Variants in TCF20 observed in about 807,000 individuals in gnomAD.
TCF20 encodes the protein transcription factor 20.
TCF20 carries 3 observed loss-of-function variants against 148.6 expected under a neutral mutation model. The ratio of observed to expected loss-of-function variants is 0.02; its 90% CI spans 0.01 to 0.05. The LOEUF is 0.05. TCF20 is among the 10% of genes least tolerant of loss of function. TCF20 has a pLI of 1.00. For synonymous variants in TCF20, 1,049 were observed against 909.5 expected (o/e 1.15, Z -2.76); for missense variants, 2,350 against 2,429.3 (o/e 0.97, Z 0.69).
intron 1 of TCF20, among the ~76,000 whole-genome samples, chr22:42,341,013 C>T (rs1165045136): frequency 4.6e-5 from 7 of 152,092 alleles, no homozygotes; most frequent in African/African-American, 9.7e-5. Flanking sequence ...CTGCGGGGCG[C>T]GCAGCTCTGC....
At chr22:42,237,405 C>CTTGCTAT (rs999419068) in intron 1 of TCF20, among the ~76,000 whole-genome samples, 3 of 152,158 alleles carry the variant, frequency 2.0e-5, no homozygotes, top group Admixed American at 1.3e-4. Flanking sequence ...TTCGAGTTCT[C>CTTGCTAT]TTGCTATTTC....
At chr22:42,300,012 C>T (rs1401354955) in intron 1 of TCF20, among the ~76,000 whole-genome samples, 1 of 152,004 alleles carries the variant, frequency 6.6e-6, no homozygotes, top group Non-Finnish European at 1.5e-5. Context: ...ACATCAAAGC[C>T]TTCCCCAGCC....
At position 42,338,273 on chromosome 22, in the gene TCF20, G is replaced by A. The variant is rs1446746985; in HGVS notation, c.-37+5206C>T. ...CAGAAGAGGGCCGGAGAAACTTTTC[G>A]TCTGAATGGAGGTCGGCTGCACAGA... On this transcript the variant is annotated intron_variant, in intron 1 of 1. Coordinates refer to the TCF20 transcript ENST00000515426. This position sits in a 1 kb window ranked among gnomAD's most constrained non-coding sequence, Gnocchi z 4.0. Among the ~76,000 whole-genome samples, 4 of 152,358 alleles carry A rather than the reference G, an allele frequency of 2.6e-5. No homozygotes were observed. Among genetic ancestry groups the A allele is most frequent in the Admixed American group, 6.5e-5 (1 of 15,304 alleles).
At chr22:42,312,711 A>G (rs745346033) in intron 1 of TCF20, among the ~76,000 whole-genome samples, 1 of 152,078 alleles carries the variant, frequency 6.6e-6, no homozygotes, top group African/African-American at 2.4e-5. Flanking sequence ...ATCCCTGCTG[A>G]GCCTCAGGCT....
intron 1 of TCF20, among the ~76,000 whole-genome samples, chr22:42,219,060 A>G (rs1302523716): frequency 1.3e-5 from 2 of 152,096 alleles, no homozygotes; most frequent in African/African-American, 4.8e-5. Context: ...AGCATATACC[A>G]ACGACAGAAA....
chr22:42,268,097 G>C (rs1374916465), intron 1 of TCF20, among the ~76,000 whole-genome samples: 1 of 152,188 alleles, frequency 6.6e-6, no homozygotes, highest in East Asian at 1.9e-4. Context: ...AGTGAGCTGA[G>C]ATCGTGCCAC....
In TCF20 at chr22:42,279,726, A is replaced by G. The variant is rs1353252189; in HGVS notation, c.-37+4101T>C. Among the ~76,000 whole-genome samples, 2 of 152,180 alleles carry G rather than the reference A, an allele frequency of 1.3e-5. No individual in the cohort carries two copies. Among genetic ancestry groups the G allele is most frequent in the African/African-American group, 4.8e-5 (2 of 41,452 alleles). On this transcript the variant is annotated intron_variant, in intron 1 of 5. Coordinates refer to the TCF20 transcript ENST00000359486. The surrounding 1 kb of genome is among the most constrained non-coding windows in gnomAD (Gnocchi z 4.3). ...ACAGGCTCAGGGAGGTGTGGTGCCT[A>G]CAGTCACCCAGCAGACACAGCGGAG... is the stretch of plus-strand genomic sequence containing the variant.
In TCF20 at chr22:42,215,107, C is replaced by A. The variant is rs202014904; in HGVS notation, c.199G>T (p.Ala67Ser). The A allele has an allele frequency of 1.0e-4, 166 of 1,614,182 alleles. No homozygotes were observed. The highest frequency in any genetic ancestry group is 1.4e-4 in the Non-Finnish European group (163 of 1,180,008). ...GGRRGAAAAAAAMASETSGHQ... is the reference protein window; with the variant it reads ...GGRRGAAAAASAMASETSGHQ... The stretch of plus-strand genomic sequence containing the variant: ...CCAGAGGTCTCGCTAGCCATCGCTG[C>A]CGCAGCAGCTGCTGCTCCTCGTCGT... The change falls in exon 2 of 6, where the codon GCA becomes TCA. Residue 67 changes from alanine to serine, a missense_variant. By Grantham distance (99) the Ala-to-Ser change is moderately conservative. Around this residue, in one of 7 missense-constraint regions of TCF20, gnomAD observed 1,641 missense variants for 1,662.6 expected, o/e 0.99. Coordinates refer to ENST00000677622, the MANE Select transcript of TCF20 (RefSeq NM_001378418.1).
rs761985866 is a variant in TCF20, at chr22:42,213,218, A to C, written c.2088T>G (p.Thr696=). The C allele has an allele frequency of 6.2e-7, 1 of 1,614,176 alleles. No individual in the cohort carries two copies. Among genetic ancestry groups the C allele is most frequent in the Non-Finnish European group, 8.5e-7 (1 of 1,180,038 alleles). The change falls in exon 2 of 6, where the codon ACT becomes ACG. Residue 696 remains threonine (T), a synonymous_variant. Coordinates refer to ENST00000677622, the MANE Select transcript of TCF20 (RefSeq NM_001378418.1). ...SAAGPGFTSR[T]EPSKSPGSLR... ...GACTTCCAGGAGATTTGCTAGGCTC[A>C]GTTCTGCTCGTAAAACCAGGGCCCG...
chr22:42,324,939 A>C (rs1927847027), intron 1 of TCF20, among the ~76,000 whole-genome samples: 1 of 152,254 alleles, frequency 6.6e-6, no homozygotes, highest in Non-Finnish European at 1.5e-5. Flanking sequence ...AGGCCAGAAG[A>C]AGCCAGGCTC....
intron 1 of TCF20, among the ~76,000 whole-genome samples, chr22:42,238,052 T>A (rs538152877): frequency 6.6e-5 from 10 of 152,344 alleles, no homozygotes; most frequent in African/African-American, 2.4e-4. Flanking sequence ...AGGCACTGAC[T>A]TCTCCTAATT....
chr22:42,226,525 T>C (rs1177995742), intron 1 of TCF20, among the ~76,000 whole-genome samples: 2 of 151,912 alleles, frequency 1.3e-5, no homozygotes, highest in African/African-American at 4.8e-5. Context: ...GCCAACATGG[T>C]GAAATGCTGT....
In TCF20 at chr22:42,161,331, C is replaced by T; in HGVS notation, c.*72G>A. The T allele has an allele frequency of 1.2e-6, 2 of 1,614,002 alleles. No individual in the cohort carries two copies. Among genetic ancestry groups the T allele is most frequent in the South Asian group, 1.1e-5 (1 of 91,066 alleles). On this transcript the variant is annotated 3_prime_UTR_variant, in exon 6 of 6. Transcript: ENST00000677622. ...CGATTTCCATTCCATCACGAGTGTC[C>T]ACCACCTTCTCATCTCCACAGTCTC...
At chr22:42,178,520 A>G (rs997200148) in intron 3 of TCF20, among the ~76,000 whole-genome samples, 7 of 152,090 alleles carry the variant, frequency 4.6e-5, no homozygotes, top group Non-Finnish European at 1.0e-4. Flanking sequence ...AAAAGAAAGT[A>G]AAAAGACAAC....
At chr22:42,187,767 T>C (rs767912466) in intron 2 of TCF20, among the ~76,000 whole-genome samples, 5 of 152,236 alleles carry the variant, frequency 3.3e-5, no homozygotes, top group Admixed American at 6.5e-5. Context: ...TCCTTCTTTG[T>C]CTTTCTGTAC....
In TCF20 at chr22:42,210,629, T is replaced by G; in HGVS notation, c.4677A>C (p.Pro1559=). Residue 1559 remains proline, a synonymous_variant, in exon 2 of 6, where the codon CCA becomes CCC. Transcript: ENST00000677622. This position sits in a 1 kb window ranked among gnomAD's most constrained non-coding sequence, Gnocchi z 4.7. Reference sequence around the variant, plus strand: ...CTGGTATCTGTGGGGGCTGAGGGGGTGGAGGCGGTGGCTGCTGCTGTTTCT... The same window carrying G: ...CTGGTATCTGTGGGGGCTGAGGGGGGGGAGGCGGTGGCTGCTGCTGTTTCT... ...KQKKQQQPPP[P]PPQPPQIPEG... is the part of the protein sequence containing the mutation. The G allele has an allele frequency of 1.9e-6, 3 of 1,613,854 alleles. No individual in the cohort carries two copies. The highest frequency in any genetic ancestry group is 2.5e-6 in the Non-Finnish European group (3 of 1,179,974).
intron 1 of TCF20, among the ~76,000 whole-genome samples, chr22:42,302,677 G>C (rs1037633441): frequency 6.6e-6 from 1 of 152,214 alleles, no homozygotes; most frequent in African/African-American, 2.4e-5. Context: ...AGGAAGAACA[G>C]AAACAGGCAC....
At position 42,160,922 on chromosome 22, in the gene TCF20, T is replaced by G. The variant is rs1935409146; in HGVS notation, c.*481A>C. ...TTCATGAGATGAGGGTTTGTTCAGT[T>G]CAATCTCACATTTAAATTTCACTTG... On this transcript the variant is annotated 3_prime_UTR_variant, in exon 6 of 6. Coordinates refer to ENST00000677622, the MANE Select transcript of TCF20 (RefSeq NM_001378418.1). 6.2e-6 allele frequency: 1 copy of G among 161,912 alleles called. No individual in the cohort carries two copies. Among genetic ancestry groups the G allele is most frequent in the Admixed American group, 6.1e-5 (1 of 16,302 alleles). 10.0% of individuals were successfully genotyped at this position (161,912 alleles called of 1,614,324 possible).
At chr22:42,228,931 G>A (rs763039095) in intron 1 of TCF20, among the ~76,000 whole-genome samples, 13 of 152,152 alleles carry the variant, frequency 8.5e-5, no homozygotes, top group Admixed American at 3.9e-4. Flanking sequence ...TATAAGAACC[G>A]TTTTGTGAAA....
Sources: allele counts gnomAD v4.1 joint callset (sites outside exome capture counted in the v4.1 genomes callset), GRCh38; gene constraint gnomAD v4.1.1; regional missense constraint gnomAD v4.1.1; non-coding constraint Gnocchi (gnomAD v3.1); transcripts MANE v1.5; gene names NCBI Gene and HGNC (gene_info 2026-07-23, HGNC 2026-07-21).